SLC4A5: variants seen among roughly 807,000 people sequenced by gnomAD.
The protein encoded by SLC4A5 is solute carrier family 4 member 5.
Under a neutral mutation model 120.4 loss-of-function variants are expected in SLC4A5, and 96 were observed. The ratio of observed to expected loss-of-function variants is 0.80; its 90% CI spans 0.68 to 0.94. The LOEUF (loss-of-function observed/expected upper bound fraction) is 0.94, where lower values mean the gene tolerates loss of function less well. SLC4A5 is among the 40% of genes least tolerant of loss of function. The probability of loss-of-function intolerance (pLI) is 0.00; values close to 1 mark genes in which losing one functional copy is unlikely to be tolerated. For synonymous variants in SLC4A5, 550 were observed against 571.1 expected (o/e 0.96, Z 0.53); for missense variants, 1,259 against 1,459.5 (o/e 0.86, Z 2.24).
At chr2:74,220,557 C>CAT (rs1694595169) in intron 30 of SLC4A5, among the ~76,000 whole-genome samples, 1 of 151,930 alleles carries the variant, frequency 6.6e-6, no homozygotes, top group Non-Finnish European at 1.5e-5. Flanking sequence ...TGCTCTGTTG[C>CAT]CCAGGCTGGA....
intron 3 of SLC4A5, among the ~76,000 whole-genome samples, chr2:74,334,499 C>T (rs538625260): frequency 1.3e-5 from 2 of 152,314 alleles, no homozygotes; most frequent in African/African-American, 4.8e-5. Flanking sequence ...CCCTGACCAG[C>T]CCATCTAAAA....
intron 8 of SLC4A5, among the ~76,000 whole-genome samples, chr2:74,271,400 T>C (rs1294853105): frequency 6.6e-6 from 1 of 152,162 alleles, no homozygotes; most frequent in Non-Finnish European, 1.5e-5. Flanking sequence ...GTCTCAGTCA[T>C]ATCCTAGACC....
intron 7 of SLC4A5, among the ~76,000 whole-genome samples, chr2:74,301,014 C>A (rs1218144244): frequency 6.6e-6 from 1 of 152,170 alleles, no homozygotes; most frequent in Non-Finnish European, 1.5e-5. Context: ...ACCAGGTACA[C>A]TGGAACTTAA....
intron 6 of SLC4A5, among the ~76,000 whole-genome samples, chr2:74,311,895 T>C (rs1301149313): frequency 6.6e-6 from 1 of 152,236 alleles, no homozygotes; most frequent in East Asian, 1.9e-4. Flanking sequence ...TACTGGTAGA[T>C]GGGTATTGAA....
chr2:74,254,816 CATTT>C, intron 13 of SLC4A5, 110 bp from the exon 14 acceptor site: 2 of 733,118 alleles, frequency 2.7e-6, no homozygotes, highest in South Asian at 3.5e-5. Context: ...GAACAGTATG[CATTT>C]TTTTTTTTTT....
intron 16 of SLC4A5, 79 bp from the exon 17 acceptor site, chr2:74,250,596 G>C: frequency 1.3e-6 from 2 of 1,552,104 alleles, no homozygotes; most frequent in Non-Finnish European, 1.8e-6. Flanking sequence ...AGAACTTGCA[G>C]AGTCTGGGGC....
chr2:74,276,402 A>C (rs901703496), intron 8 of SLC4A5, among the ~76,000 whole-genome samples: 15 of 152,192 alleles, frequency 9.9e-5, no homozygotes, highest in African/African-American at 3.4e-4. Flanking sequence ...TGGATAAAAC[A>C]ACCTCTCCAA....
chr2:74,306,501 T>C (rs985988501), intron 6 of SLC4A5, among the ~76,000 whole-genome samples: 1 of 152,198 alleles, frequency 6.6e-6, no homozygotes, highest in African/African-American at 2.4e-5. Context: ...AGTAAAACTG[T>C]CTTTGACTGC....
At chr2:74,232,538 T>C (rs1465605617) in exon 24 of SLC4A5, 1 of 1,613,824 alleles carries the variant, frequency 6.2e-7, no homozygotes, top group Non-Finnish European at 8.5e-7. Flanking sequence ...GCTGTCGATG[T>C]GGGCGATGGA....
chr2:74,307,314 A>C (rs571059374), intron 6 of SLC4A5: 51 of 552,696 alleles, frequency 9.2e-5, no homozygotes, highest in African/African-American at 9.0e-4. Context: ...ATGTACCTCC[A>C]TGGTCAACCC....
At chr2:74,295,428 G>A (rs1257995725) in intron 7 of SLC4A5, among the ~76,000 whole-genome samples, 1 of 152,100 alleles carries the variant, frequency 6.6e-6, no homozygotes, top group Non-Finnish European at 1.5e-5. Context: ...GAGGTCAGGA[G>A]TTCAAGACCA....
chr2:74,332,267 T>C (rs1401391810), intron 4 of SLC4A5, among the ~76,000 whole-genome samples: 3 of 152,202 alleles, frequency 2.0e-5, no homozygotes, highest in African/African-American at 7.2e-5. Context: ...CTTAAGTTTC[T>C]TTGAAACTCT....
chr2:74,236,806 G>A (rs1670283929), intron 21 of SLC4A5, among the ~76,000 whole-genome samples: 2 of 152,108 alleles, frequency 1.3e-5, no homozygotes, highest in African/African-American at 4.8e-5. Context: ...CCTAATCAGA[G>A]AGTGTCAGTT....
exon 10 of SLC4A5, chr2:74,264,271 A>G: frequency 1.2e-6 from 2 of 1,614,154 alleles, no homozygotes; most frequent in Non-Finnish European, 1.7e-6. Context: ...GCAGGAGACC[A>G]TCCTCAATCT....
At chr2:74,319,898 A>G in intron 5 of SLC4A5, among the ~76,000 whole-genome samples, 1 of 152,208 alleles carries the variant, frequency 6.6e-6, no homozygotes, top group East Asian at 1.9e-4. Context: ...GACAGCTCTC[A>G]AGACCAAATT....
chr2:74,232,018 G>GT lies in SLC4A5; in HGVS notation c.2774+450dup, dbSNP rs1670105924. On this transcript the variant is annotated intron_variant, in intron 24 of 30. Transcript: ENST00000394019. ...AGAAGAGGCAAGTGAAGGAACAGGA[G>GT]TAACAGGCAGGGCCACAGACTGGGG... Among the ~76,000 whole-genome samples, 16 of 152,318 alleles carry GT rather than the reference G, an allele frequency of 1.1e-4. No individual in the cohort carries two copies. In the South Asian group the frequency reaches 3.1e-3, roughly 30 times the overall value.
intron 3 of SLC4A5, among the ~76,000 whole-genome samples, chr2:74,337,899 C>G (rs976430156): frequency 2.6e-5 from 4 of 152,124 alleles, no homozygotes; most frequent in African/African-American, 9.7e-5. Flanking sequence ...TGAGAGTGAT[C>G]CCATGGGTGG....
chr2:74,225,544 CA>C (rs1694812711), intron 27 of SLC4A5, among the ~76,000 whole-genome samples: 1 of 152,104 alleles, frequency 6.6e-6, no homozygotes, highest in African/African-American at 2.4e-5. Flanking sequence ...TGCAGTGAGC[CA>C]AGATTGTGCC....
intron 20 of SLC4A5, 53 bp from the exon 21 acceptor site, chr2:74,239,588 C>T (rs1005621980): frequency 1.9e-5 from 30 of 1,574,956 alleles, no homozygotes; most frequent in African/African-American, 5.4e-5. Flanking sequence ...GATGAGTCAG[C>T]TGTGTCCTTC....
Sources: gnomAD v4.1 joint callset for allele counts (sites outside exome capture counted in the v4.1 genomes callset) on GRCh38, gnomAD v4.1.1 for gene constraint, MANE v1.5 for transcripts, NCBI Gene and HGNC (gene_info 2026-07-23, HGNC 2026-07-21) for gene names.